The following SIPA1L2 variants were observed in gnomAD, a reference collection of about 807,000 sequenced individuals.
SIPA1L2 encodes the protein signal induced proliferation associated 1 like 2, also known as signal-induced proliferation-associated 1-like protein 2.
A neutral mutation model predicts 163.9 loss-of-function variants in SIPA1L2; 56 were observed. The observed-to-expected ratio is 0.34, with a 90% confidence interval of 0.28 to 0.43. The LOEUF is 0.43. SIPA1L2 is among the 20% of genes least tolerant of loss of function. The pLI, the probability that SIPA1L2 is intolerant of heterozygous loss-of-function variation, is 1.00. For missense variants in SIPA1L2, 1,974 were observed against 2,193.5 expected (o/e 0.90, Z 2.00); for synonymous variants, 877 against 865.7 (o/e 1.01, Z -0.23).
chr1:232,502,419 C>G (rs548008492), intron 3 of SIPA1L2, among the ~76,000 whole-genome samples: 7 of 152,152 alleles, frequency 4.6e-5, no homozygotes, highest in Non-Finnish European at 1.0e-4. Flanking sequence ...CCCAGAATCA[C>G]CTGAGAGGTT....
intron 2 of SIPA1L2, among the ~76,000 whole-genome samples, chr1:232,559,250 T>C (rs867455711): frequency 3.3e-5 from 5 of 152,188 alleles, no homozygotes; most frequent in South Asian, 2.1e-4. Flanking sequence ...AGCTCAATCA[T>C]AGGGCAGCAG....
intron 1 of SIPA1L2, among the ~76,000 whole-genome samples, chr1:232,581,490 T>C (rs933891176): frequency 6.6e-6 from 1 of 152,108 alleles, no homozygotes. Context: ...CTGACAATGT[T>C]TGAGCCCCTG....
chr1:232,513,836 ACGCC>A lies in SIPA1L2; in HGVS notation c.1483+17_1483+20del. On this transcript the variant is annotated intron_variant, in intron 3 of 22. Coordinates refer to ENST00000674635, the MANE Select transcript of SIPA1L2 (RefSeq NM_020808.5). Reference sequence around the variant, plus strand: ...AAAACTACTCCCGAGACACATGCAAACGCCCATGGCTCTTCCTTACCTTTCCCAT... The same window carrying A: ...AAAACTACTCCCGAGACACATGCAAACATGGCTCTTCCTTACCTTTCCCAT... 1 of 1,534,894 alleles carries A rather than the reference ACGCC, an allele frequency of 6.5e-7. No homozygotes were observed. Among genetic ancestry groups the A allele is most frequent in the Non-Finnish European group, 8.7e-7 (1 of 1,145,802 alleles).
At chr1:232,451,360 T>TG (rs1174646264) in intron 10 of SIPA1L2, among the ~76,000 whole-genome samples, 1 of 152,016 alleles carries the variant, frequency 6.6e-6, no homozygotes, top group Non-Finnish European at 1.5e-5. Context: ...CTCTCCCACT[T>TG]GGGGGGTTTT....
chr1:232,586,409 C>T (rs1660657965), intron 1 of SIPA1L2, among the ~76,000 whole-genome samples: 1 of 152,262 alleles, frequency 6.6e-6, no homozygotes, highest in South Asian at 2.1e-4. Context: ...ACCAGGGAGT[C>T]CTACTGCAAA....
At chr1:232,487,155 A>G (rs958625423) in intron 5 of SIPA1L2, among the ~76,000 whole-genome samples, 3 of 152,234 alleles carry the variant, frequency 2.0e-5, no homozygotes, top group Non-Finnish European at 4.4e-5. Context: ...CCCAGACAGC[A>G]GAGGATCCAA....
At chr1:232,495,514 G>A (rs1262109195) in intron 3 of SIPA1L2, among the ~76,000 whole-genome samples, 2 of 148,616 alleles carry the variant, frequency 1.3e-5, no homozygotes, top group African/African-American at 2.5e-5. Flanking sequence ...GCATCGAGCC[G>A]AGATCACCCC....
intron 1 of SIPA1L2, among the ~76,000 whole-genome samples, chr1:232,602,307 C>T (rs1373502439): frequency 1.3e-5 from 2 of 152,096 alleles, no homozygotes; most frequent in African/African-American, 4.8e-5. Flanking sequence ...GCAGATTTTA[C>T]TCAAGCACCC....
chr1:232,425,614 G>A lies in SIPA1L2; in HGVS notation c.4605C>T (p.Pro1535=), dbSNP rs536238305. 93 of 1,605,192 alleles carry A rather than the reference G, an allele frequency of 5.8e-5. No homozygotes were observed. In the South Asian group the frequency reaches 8.0e-4, roughly 14 times the overall value. The change falls in exon 18 of 23, where the codon CCC becomes CCT. Residue 1535 remains proline (P), a synonymous_variant. Coordinates refer to ENST00000674635, the MANE Select transcript of SIPA1L2 (RefSeq NM_020808.5). ...YHSTLPPRAH[P]APSMGSLRNE... ...TTCTCAGGCTCCCCATGCTGGGTGCGGGGTGGGCCCGCGGAGGCAGCGTGC... is the reference window on the plus strand; with the variant it reads ...TTCTCAGGCTCCCCATGCTGGGTGCAGGGTGGGCCCGCGGAGGCAGCGTGC...
chr1:232,501,456 G>C (rs1424028685), intron 3 of SIPA1L2, among the ~76,000 whole-genome samples: 4 of 152,102 alleles, frequency 2.6e-5, no homozygotes, highest in Non-Finnish European at 5.9e-5. Flanking sequence ...TAAGACAGGT[G>C]CATCTTCTTC....
At chr1:232,510,836 G>A (rs1014734359) in intron 3 of SIPA1L2, among the ~76,000 whole-genome samples, 21 of 152,158 alleles carry the variant, frequency 1.4e-4, no homozygotes, top group African/African-American at 4.6e-4. Flanking sequence ...AACAGCATAT[G>A]AATGAGACGC....
intron 10 of SIPA1L2, among the ~76,000 whole-genome samples, chr1:232,458,035 C>T (rs1664027186): frequency 6.6e-6 from 1 of 152,150 alleles, no homozygotes; most frequent in South Asian, 2.1e-4. Context: ...ACAGGCTAGG[C>T]TTAAAGCCTT....
intron 5 of SIPA1L2, among the ~76,000 whole-genome samples, chr1:232,487,162 CCAA>C (rs1665684162): frequency 6.6e-6 from 1 of 152,190 alleles, no homozygotes; most frequent in South Asian, 2.1e-4. Flanking sequence ...AGCAGAGGAT[CCAA>C]CCCACGTCCC....
At chr1:232,586,430 A>G (rs1345421125) in intron 1 of SIPA1L2, among the ~76,000 whole-genome samples, 2 of 152,110 alleles carry the variant, frequency 1.3e-5, no homozygotes, top group Non-Finnish European at 2.9e-5. Flanking sequence ...GGGCAATTGA[A>G]GAGCACCTGG....
rs969637107 is a variant in SIPA1L2, at chr1:232,514,570, C to T, written c.770G>A (p.Arg257His). The change falls in exon 3 of 23, where the codon CGC (arginine) becomes CAC (histidine). Residue 257 changes from arginine (R) to histidine (H), a missense_variant. By Grantham distance (29) the Arg-to-His change is conservative. Around this residue, in one of 3 missense-constraint regions of SIPA1L2, gnomAD observed 607 missense variants for 624.0 expected, o/e 0.97. Coordinates refer to ENST00000674635, the MANE Select transcript of SIPA1L2 (RefSeq NM_020808.5). ...GTCCACATAATCTAATCCTGAGATG[C>T]GGACAAATTCTCCCCTAGAAATCTG... ...AAQISRGEFV[R>H]ISGLDYVDSA... 3.7e-6 allele frequency: 6 copies of T among 1,614,006 alleles called. No individual in the cohort carries two copies. The highest frequency in any genetic ancestry group is 1.1e-5 in the South Asian group (1 of 91,082).
At chr1:232,619,376 T>C (rs917777930) in intron 1 of SIPA1L2, among the ~76,000 whole-genome samples, 2 of 152,244 alleles carry the variant, frequency 1.3e-5, no homozygotes, top group Admixed American at 6.5e-5. Flanking sequence ...AATCTTTTTC[T>C]AATACACCTG....
At chr1:232,480,393 T>A (rs1236802468) in intron 6 of SIPA1L2, among the ~76,000 whole-genome samples, 1 of 152,180 alleles carries the variant, frequency 6.6e-6, no homozygotes, top group Admixed American at 6.5e-5. Flanking sequence ...ATGAATGTGA[T>A]CACTTACAGA....
intron 5 of SIPA1L2, 92 bp from the exon 6 acceptor site, chr1:232,484,058 C>A: frequency 8.0e-7 from 1 of 1,249,956 alleles, no homozygotes; most frequent in South Asian, 1.5e-5. Context: ...GAGAATTGTT[C>A]TAGGAAAGCA....
chr1:232,569,067 T>G (rs1659569855), intron 2 of SIPA1L2, among the ~76,000 whole-genome samples: 1 of 152,220 alleles, frequency 6.6e-6, no homozygotes, highest in Non-Finnish European at 1.5e-5. Flanking sequence ...ATTTACTGTA[T>G]GAAATCACTC....
Sources: allele counts gnomAD v4.1 joint callset (sites outside exome capture counted in the v4.1 genomes callset), GRCh38; gene constraint gnomAD v4.1.1; regional missense constraint gnomAD v4.1.1; transcripts MANE v1.5; gene names NCBI Gene and HGNC (gene_info 2026-07-23, HGNC 2026-07-21).